TBC1D5: variants seen among roughly 807,000 people sequenced by gnomAD.
TBC1D5 encodes the protein TBC1 domain family member 5, also known as TBC1 domain family, member 5.
A neutral mutation model predicts 100.3 loss-of-function variants in TBC1D5; 75 were observed. That is an observed-to-expected ratio of 0.75 (90% CI 0.62 to 0.91). TBC1D5 has a LOEUF of 0.91. Ranked by LOEUF, TBC1D5 falls within the 40% of genes least tolerant of loss-of-function variation. The pLI, the probability that TBC1D5 is intolerant of heterozygous loss-of-function variation, is 0.00. For missense variants in TBC1D5, 910 were observed against 942.4 expected (o/e 0.97, Z 0.45); for synonymous variants, 323 against 325.6 (o/e 0.99, Z 0.09).
chr3:17,584,510 G>A (rs1215875987), intron 2 of TBC1D5, among the ~76,000 whole-genome samples: 2 of 152,000 alleles, frequency 1.3e-5, no homozygotes, highest in Non-Finnish European at 2.9e-5. Flanking sequence ...ATGGGGGAAC[G>A]TATATGAGGT....
At chr3:17,494,682 T>G (rs577826802) in intron 3 of TBC1D5, among the ~76,000 whole-genome samples, 28 of 152,284 alleles carry the variant, frequency 1.8e-4, no homozygotes, top group Admixed American at 7.8e-4. Flanking sequence ...CGCTGTGCTG[T>G]GCTGTGCTGG....
intron 1 of TBC1D5, among the ~76,000 whole-genome samples, chr3:17,646,718 T>C (rs1365726185): frequency 6.6e-6 from 1 of 152,186 alleles, no homozygotes. Flanking sequence ...AATGCTAATC[T>C]GACCACACTT....
intron 2 of TBC1D5, chr3:17,547,085 A>C (rs1429058311): frequency 6.6e-6 from 1 of 152,180 alleles, no homozygotes; most frequent in African/African-American, 2.4e-5. Context: ...GGCTTTAGAA[A>C]GCAAAACAAA....
chr3:17,501,330 C>A (rs1353760360), intron 3 of TBC1D5, among the ~76,000 whole-genome samples: 1 of 149,544 alleles, frequency 6.7e-6, no homozygotes, highest in Non-Finnish European at 1.5e-5. Flanking sequence ...CAAATTAATG[C>A]ACTTATCAAA....
intron 2 of TBC1D5, among the ~76,000 whole-genome samples, chr3:17,516,714 A>C (rs2095993898): frequency 6.6e-6 from 1 of 152,168 alleles, no homozygotes. Flanking sequence ...AATAAAACCT[A>C]TTCATTAATT....
At chr3:17,429,085 T>G (rs545107308) in intron 3 of TBC1D5, among the ~76,000 whole-genome samples, 1 of 152,090 alleles carries the variant, frequency 6.6e-6, no homozygotes, top group Non-Finnish European at 1.5e-5. Context: ...TGTCAAAAGT[T>G]CGGCAATTTA....
At chr3:17,530,898 G>T (rs1046288818) in intron 2 of TBC1D5, among the ~76,000 whole-genome samples, 2 of 152,138 alleles carry the variant, frequency 1.3e-5, no homozygotes, top group African/African-American at 4.8e-5. Context: ...ACAAAAACTG[G>T]AAGCATTCCC....
At chr3:17,466,079 G>T (rs1022684219) in intron 3 of TBC1D5, among the ~76,000 whole-genome samples, 3 of 152,204 alleles carry the variant, frequency 2.0e-5, no homozygotes, top group African/African-American at 7.2e-5. Context: ...TGCGTGGCAT[G>T]AAATTCTAGG....
intron 3 of TBC1D5, among the ~76,000 whole-genome samples, chr3:17,463,504 A>G (rs566062374): frequency 6.6e-6 from 1 of 152,322 alleles, no homozygotes; most frequent in South Asian, 2.1e-4. Flanking sequence ...GGGTGAAGTG[A>G]GTTAAGAAAA....
At chr3:17,721,655 G>A (rs2075716199) in intron 1 of TBC1D5, among the ~76,000 whole-genome samples, 1 of 152,206 alleles carries the variant, frequency 6.6e-6, no homozygotes, top group South Asian at 2.1e-4. Context: ...CTGGGCGACA[G>A]AGTGAGACCC....
At chr3:17,471,965 A>T (rs893566428) in intron 3 of TBC1D5, among the ~76,000 whole-genome samples, 1 of 152,174 alleles carries the variant, frequency 6.6e-6, no homozygotes, top group African/African-American at 2.4e-5. Flanking sequence ...ACCCTTTAAC[A>T]TACTAAAATA....
At position 17,172,082 on chromosome 3, in the gene TBC1D5, T is replaced by C. The variant is rs558400616; in HGVS notation, c.1853-4254A>G. Reference sequence around the variant, plus strand: ...GGATCTGATGAAAACCATGACTGCCTCCCCTGAAAACCCATGTACATATGA... The same window carrying C: ...GGATCTGATGAAAACCATGACTGCCCCCCCTGAAAACCCATGTACATATGA... On this transcript the variant is annotated intron_variant, in intron 19 of 21. Coordinates refer to ENST00000253692, the Ensembl canonical transcript of TBC1D5. Among the ~76,000 whole-genome samples, 6 of 152,282 alleles carry C rather than the reference T, an allele frequency of 3.9e-5. No individual in the cohort carries two copies. The South Asian group carries it at 1.2e-3, about 32-fold the overall frequency.
intron 2 of TBC1D5, among the ~76,000 whole-genome samples, chr3:17,551,661 T>C (rs1282908174): frequency 6.6e-6 from 1 of 152,172 alleles, no homozygotes; most frequent in Non-Finnish European, 1.5e-5. Context: ...GGAAGCAAAC[T>C]CTTCACTGAA....
intron 15 of TBC1D5, among the ~76,000 whole-genome samples, chr3:17,273,273 C>T (rs1011624266): frequency 2.6e-5 from 4 of 152,108 alleles, no homozygotes; most frequent in Admixed American, 2.6e-4. Flanking sequence ...TCTTCTTGAC[C>T]CTACCATCTC....
intron 18 of TBC1D5, among the ~76,000 whole-genome samples, chr3:17,213,303 T>G (rs1039956028): frequency 1.1e-4 from 17 of 152,322 alleles, no homozygotes; most frequent in Non-Finnish European, 5.9e-5. Flanking sequence ...TGCACTATGA[T>G]GAAATTGCGT....
chr3:17,714,876 G>A (rs1002954648), intron 1 of TBC1D5, among the ~76,000 whole-genome samples: 7 of 152,140 alleles, frequency 4.6e-5, no homozygotes, highest in African/African-American at 1.7e-4. Flanking sequence ...AGACTTAATA[G>A]TGTTGATCCC....
chr3:17,645,829 A>G (rs1286842959), intron 1 of TBC1D5, among the ~76,000 whole-genome samples: 1 of 151,714 alleles, frequency 6.6e-6, no homozygotes, highest in Non-Finnish European at 1.5e-5. Context: ...CTTCCCCCCT[A>G]CTTTTCTATT....
At chr3:17,442,134 A>G (rs1457997772) in intron 3 of TBC1D5, among the ~76,000 whole-genome samples, 5 of 152,234 alleles carry the variant, frequency 3.3e-5, no homozygotes, top group African/African-American at 4.8e-5. Context: ...AACAGCAGGC[A>G]TCGGGAGCAA....
chr3:17,472,286 G>A (rs571947267), intron 3 of TBC1D5, among the ~76,000 whole-genome samples: 27 of 151,670 alleles, frequency 1.8e-4, no homozygotes, highest in Non-Finnish European at 3.7e-4. Flanking sequence ...CTACAGGCAC[G>A]CGCCACCACA....
Sources: allele counts gnomAD v4.1 joint callset (sites outside exome capture counted in the v4.1 genomes callset), GRCh38; gene constraint gnomAD v4.1.1; transcripts MANE v1.5; gene names NCBI Gene and HGNC (gene_info 2026-07-23, HGNC 2026-07-21).